ARHGAP22: variants seen among roughly 807,000 people sequenced by gnomAD.
ARHGAP22 encodes Rho GTPase activating protein 22, also known as rho GTPase-activating protein 22.
ARHGAP22 carries 48 observed loss-of-function variants against 59.1 expected under a neutral mutation model. That is an observed-to-expected ratio of 0.81 (90% CI 0.64 to 1.03). ARHGAP22 has a LOEUF of 1.03. ARHGAP22 is among the 50% of genes least tolerant of loss of function. The pLI is 0.00. For missense variants in ARHGAP22, 1,015 were observed against 958.7 expected (o/e 1.06, Z -0.78); for synonymous variants, 445 against 416.4 (o/e 1.07, Z -0.84).
chr10:48,548,063 A>G (rs905424017), intron 3 of ARHGAP22, among the ~76,000 whole-genome samples: 1 of 152,174 alleles, frequency 6.6e-6, no homozygotes, highest in African/African-American at 2.4e-5. Context: ...AGTCAGGGGT[A>G]GGCATGTAGC....
Position 48,454,038 on chromosome 10 carries a change from G to T in ARHGAP22, c.866+50C>A, listed in dbSNP as rs374629053. 20 of 1,561,634 alleles carry T rather than the reference G, an allele frequency of 1.3e-5. No homozygotes were observed. The African/African-American group carries it at 1.8e-4, about 14-fold the overall frequency. On this transcript the variant is annotated intron_variant, in intron 7 of 9. Coordinates refer to ENST00000249601, the MANE Select transcript of ARHGAP22 (RefSeq NM_021226.4). Reference sequence around the variant, plus strand: ...CGTGTCTCGCTGTGGGGTTGGGGGAGCGTGGAGCCAGTGCAGGAAAGTGTG... The same window carrying T: ...CGTGTCTCGCTGTGGGGTTGGGGGATCGTGGAGCCAGTGCAGGAAAGTGTG...
chr10:48,523,782 C>A (rs369493702), intron 3 of ARHGAP22, among the ~76,000 whole-genome samples: 1 of 152,132 alleles, frequency 6.6e-6, no homozygotes, highest in South Asian at 2.1e-4. Context: ...CTCCCCTCCG[C>A]TCTACCCACT....
At chr10:48,592,294 T>A (rs181997885) in intron 1 of ARHGAP22, among the ~76,000 whole-genome samples, 9 of 152,290 alleles carry the variant, frequency 5.9e-5, no homozygotes. Context: ...GCTACGGGTA[T>A]CTGTCACCGC....
rs74633595 is a variant in ARHGAP22, at chr10:48,614,752, T to C, written c.53-31600A>G. ...ACTTACCCTAGTCCCATTCCAGCTC[T>C]CCAATAAGCAAGAGTCTTGCAAATG... On this transcript the variant is annotated intron_variant, in intron 1 of 9. Coordinates refer to the ARHGAP22 transcript ENST00000435790. Among the ~76,000 whole-genome samples the C allele has an allele frequency of 5.2e-3, 787 of 152,280 alleles. 10 individuals carry two copies. Among genetic ancestry groups the C allele is most frequent in the African/African-American group, 0.018 (758 of 41,554 alleles).
intron 3 of ARHGAP22, among the ~76,000 whole-genome samples, chr10:48,550,038 G>T (rs968637251): frequency 6.6e-6 from 1 of 152,178 alleles, no homozygotes; most frequent in Admixed American, 6.5e-5. Context: ...TGTGCTGAGC[G>T]CCTTGGAACT....
intron 1 of ARHGAP22, among the ~76,000 whole-genome samples, chr10:48,627,854 T>C (rs916973330): frequency 1.3e-5 from 2 of 152,140 alleles, no homozygotes; most frequent in African/African-American, 4.8e-5. Context: ...AGGTGCTCTA[T>C]TGGACAAGCT....
chr10:48,550,027 A>G (rs1300695980), intron 3 of ARHGAP22, among the ~76,000 whole-genome samples: 4 of 152,198 alleles, frequency 2.6e-5, no homozygotes, highest in African/African-American at 9.7e-5. Flanking sequence ...TCAGTTACCT[A>G]TGTGCTGAGC....
At chr10:48,588,822 G>A (rs868431822) in intron 1 of ARHGAP22, among the ~76,000 whole-genome samples, 4 of 152,214 alleles carry the variant, frequency 2.6e-5, no homozygotes, top group Non-Finnish European at 5.9e-5. Context: ...AGGCCTTGTG[G>A]GGCAGGCAAA....
chr10:48,549,314 G>C (rs2056714787), intron 3 of ARHGAP22, among the ~76,000 whole-genome samples: 1 of 152,194 alleles, frequency 6.6e-6, no homozygotes, highest in Non-Finnish European at 1.5e-5. Flanking sequence ...GGGATGGGCT[G>C]TTCTTGGTCC....
chr10:48,525,692 T>C (rs11101370), intron 3 of ARHGAP22, among the ~76,000 whole-genome samples: 29,201 of 152,226 alleles, frequency 0.19, 2,946 homozygotes, highest in East Asian at 0.33. Context: ...ATGGCACTTA[T>C]GTAAGACACA....
chr10:48,434,382 A>G, the ARHGAP22 span, among the ~76,000 whole-genome samples: 1 of 152,220 alleles, frequency 6.6e-6, no homozygotes, highest in Admixed American at 6.5e-5. Flanking sequence ...AAGATGTGCC[A>G]GAAGTACATC....
chr10:48,555,749 T>C (rs115628456), intron 2 of ARHGAP22, among the ~76,000 whole-genome samples, 199 bp from the exon 3 acceptor site: 2,587 of 152,100 alleles, frequency 0.017, 66 homozygotes, highest in African/African-American at 0.059. Context: ...TGGATTAAGG[T>C]GGACACTGTA....
Position 48,450,941 on chromosome 10 carries a change from C to A in ARHGAP22, c.1188G>T (p.Leu396=). The A allele has an allele frequency of 6.3e-7, 1 of 1,586,182 alleles. No homozygotes were observed. Among genetic ancestry groups the A allele is most frequent in the East Asian group, 2.3e-5 (1 of 43,238 alleles). The change falls in exon 9 of 10, where the codon CTG becomes CTT. Residue 396 remains leucine, a synonymous_variant. Coordinates refer to ENST00000249601, the MANE Select transcript of ARHGAP22 (RefSeq NM_021226.4). Reference sequence around the variant, plus strand: ...AGAGCACCGCCACGGCCGCCCCGTCCAGGGAAGAGGTCCTGTGCGCGGGCA... The same window carrying A: ...AGAGCACCGCCACGGCCGCCCCGTCAAGGGAAGAGGTCCTGTGCGCGGGCA... ...PGLPAHRTSS[L]DGAAVAVLSR...
chr10:48,456,455 CCCTCCTCGG>C (rs1306949146), intron 5 of ARHGAP22, among the ~76,000 whole-genome samples: 1 of 152,190 alleles, frequency 6.6e-6, no homozygotes, highest in East Asian at 1.9e-4. Context: ...TGCTATCACA[CCCTCCTCGG>C]CCTTCTCCCG....
At chr10:48,477,053 T>C (rs747374776) in intron 4 of ARHGAP22, among the ~76,000 whole-genome samples, 21 of 152,196 alleles carry the variant, frequency 1.4e-4, no homozygotes, top group Non-Finnish European at 2.9e-4. Flanking sequence ...CATGTCATTG[T>C]AAAAGGAACA....
chr10:48,599,345 C>T (rs766490705), intron 1 of ARHGAP22, among the ~76,000 whole-genome samples: 4 of 152,180 alleles, frequency 2.6e-5, no homozygotes, highest in African/African-American at 4.8e-5. Context: ...CTGGAGGACA[C>T]AAGTAAAGTC....
At chr10:48,458,884 G>A (rs1244424647) in intron 5 of ARHGAP22, among the ~76,000 whole-genome samples, 1 of 152,160 alleles carries the variant, frequency 6.6e-6, no homozygotes, top group Non-Finnish European at 1.5e-5. Flanking sequence ...ACCCTCCCCT[G>A]GCTGCAGTGA....
upstream of ARHGAP22, among the ~76,000 whole-genome samples, chr10:48,655,085 T>G (rs374673902): frequency 1.7e-4 from 10 of 59,418 alleles, 1 homozygote; most frequent in African/African-American, 6.8e-4. Flanking sequence ...TTCTCTTCTC[T>G]TCTCTTCTCT....
intron 1 of ARHGAP22, among the ~76,000 whole-genome samples, chr10:48,587,939 T>C (rs572552086): frequency 1.3e-5 from 2 of 152,342 alleles, no homozygotes; most frequent in South Asian, 4.1e-4. Flanking sequence ...GTCTGTGAGG[T>C]GCTCTCTGTC....
Sources: gnomAD v4.1 joint callset for allele counts (sites outside exome capture counted in the v4.1 genomes callset) on GRCh38, gnomAD v4.1.1 for gene constraint, MANE v1.5 for transcripts, NCBI Gene and HGNC (gene_info 2026-07-23, HGNC 2026-07-21) for gene names.